The following DPP6 variants were observed in gnomAD, a reference collection of about 807,000 sequenced individuals.
DPP6 encodes A-type potassium channel modulatory protein DPP6.
In DPP6, 69 loss-of-function variants were observed where a neutral mutation model predicts 122.6. That is an observed-to-expected ratio of 0.56 (90% CI 0.46 to 0.69). The LOEUF (loss-of-function observed/expected upper bound fraction) is 0.69, where lower values mean the gene tolerates loss of function less well. Among genes scored for constraint, DPP6 ranks in the 30% least tolerant of loss-of-function variants. The probability of loss-of-function intolerance (pLI) is 0.00; values close to 1 mark genes in which losing one functional copy is unlikely to be tolerated. For missense variants in DPP6, 928 were observed against 1,116.9 expected (o/e 0.83, Z 2.41); for synonymous variants, 418 against 433.1 (o/e 0.97, Z 0.43).
intron 5 of DPP6, among the ~76,000 whole-genome samples, chr7:154,616,411 A>G (rs1167556653): frequency 6.6e-6 from 1 of 152,150 alleles, no homozygotes; most frequent in Non-Finnish European, 1.5e-5. Flanking sequence ...TTTGAGCTTA[A>G]GGAAGTTCTA....
chr7:154,727,095 C>G (rs551019047), intron 7 of DPP6, among the ~76,000 whole-genome samples: 89 of 152,340 alleles, frequency 5.8e-4, no homozygotes, highest in African/African-American at 2.1e-3. Context: ...ATGGCCCCTT[C>G]TCAGTACCAG....
intron 7 of DPP6, among the ~76,000 whole-genome samples, chr7:154,719,612 C>G (rs900900527): frequency 1.3e-5 from 2 of 152,272 alleles, no homozygotes; most frequent in Middle Eastern, 6.8e-3. Context: ...TCTGCAGAGG[C>G]TACTGAATAT....
At chr7:154,076,750 T>C (rs1032023590) in intron 1 of DPP6, among the ~76,000 whole-genome samples, 3 of 152,180 alleles carry the variant, frequency 2.0e-5, no homozygotes, top group Non-Finnish European at 4.4e-5. Context: ...ACATGGATGA[T>C]GAGGGCATGA....
chr7:154,811,385 G>A (rs1160199777), intron 16 of DPP6, among the ~76,000 whole-genome samples: 2 of 152,182 alleles, frequency 1.3e-5, no homozygotes, highest in African/African-American at 4.8e-5. Flanking sequence ...TTGCCTAAGG[G>A]ATGAGAAGAT....
chr7:154,230,939 T>G (rs1383836520), intron 1 of DPP6, among the ~76,000 whole-genome samples: 1 of 152,244 alleles, frequency 6.6e-6, no homozygotes, highest in Admixed American at 6.5e-5. Context: ...CATTTTTGCA[T>G]CACTGTAAAG....
At chr7:154,198,133 T>C (rs4074569) in intron 1 of DPP6, among the ~76,000 whole-genome samples, 100,781 of 151,910 alleles carry the variant, frequency 0.66, 37,457 homozygotes, top group Non-Finnish European at 0.82. Flanking sequence ...CTGTGTCATA[T>C]GGATCCTGCT....
the DPP6 span, among the ~76,000 whole-genome samples, chr7:153,877,703 A>G: frequency 6.6e-6 from 1 of 152,238 alleles, no homozygotes; most frequent in African/African-American, 2.4e-5. Context: ...AGTGCATGAC[A>G]CAACTCAAAA....
rs560845708 is a variant in DPP6 at position 154,134,404 on chromosome 7, C to G, written c.243+81341C>G. Reference sequence around the variant, plus strand: ...AGGTGTGGAGTTGGGAGAGCAGCAGCCTGTGGTACAGGGCTGCCCACAGGG... The same window carrying G: ...AGGTGTGGAGTTGGGAGAGCAGCAGGCTGTGGTACAGGGCTGCCCACAGGG... On this transcript the variant is annotated intron_variant, in intron 1 of 25. Transcript: ENST00000377770. Among the ~76,000 whole-genome samples, 9 of 152,242 alleles carry G rather than the reference C, an allele frequency of 5.9e-5. No individual in the cohort carries two copies. The South Asian group carries it at 1.9e-3, about 32-fold the overall frequency.
chr7:154,652,912 C>T (rs542646151), intron 6 of DPP6, among the ~76,000 whole-genome samples: 3 of 152,094 alleles, frequency 2.0e-5, no homozygotes, highest in Admixed American at 6.6e-5. Context: ...GAGGAAAGAA[C>T]GCTCTGAGTG....
intron 3 of DPP6, 46 bp from the exon 4 acceptor site, chr7:154,540,486 G>C (rs1382220640): frequency 8.3e-7 from 1 of 1,202,528 alleles, no homozygotes; most frequent in South Asian, 1.3e-5. Flanking sequence ...GTTGAGGAGA[G>C]TTCCTTGATG....
At chr7:153,930,155 A>T (rs1322873920) in intron 1 of DPP6, among the ~76,000 whole-genome samples, 1 of 152,226 alleles carries the variant, frequency 6.6e-6, no homozygotes, top group Non-Finnish European at 1.5e-5. Flanking sequence ...CTACAGTGTG[A>T]AGCAACCACT....
At chr7:154,341,748 T>C (rs915395859) in intron 1 of DPP6, among the ~76,000 whole-genome samples, 1 of 152,080 alleles carries the variant, frequency 6.6e-6, no homozygotes, top group African/African-American at 2.4e-5. Flanking sequence ...CATTTAAGAC[T>C]GCACCCATTT....
intron 1 of DPP6, among the ~76,000 whole-genome samples, chr7:154,126,853 C>T (rs3115114): frequency 2.6e-5 from 4 of 152,084 alleles, no homozygotes; most frequent in Non-Finnish European, 4.4e-5. Context: ...ATTTTGCTGC[C>T]GTTAAAGACT....
intron 1 of DPP6, among the ~76,000 whole-genome samples, chr7:154,413,695 A>C (rs1816800359): frequency 6.6e-6 from 1 of 152,220 alleles, no homozygotes; most frequent in Non-Finnish European, 1.5e-5. Context: ...AAGTGTAAAT[A>C]AGATGTGTGA....
intron 5 of DPP6, among the ~76,000 whole-genome samples, chr7:154,597,903 G>C (rs977601799): frequency 6.6e-6 from 1 of 152,090 alleles, no homozygotes; most frequent in Admixed American, 6.5e-5. Flanking sequence ...GTGCATGTCT[G>C]TCTCTGTGTC....
At chr7:154,050,517 T>G (rs901196080), upstream of DPP6, among the ~76,000 whole-genome samples, 2 of 151,890 alleles carry the variant, frequency 1.3e-5, no homozygotes, top group Admixed American at 6.6e-5. Context: ...CTGCGGTGAA[T>G]AGCATGAGCT....
At chr7:154,491,852 A>G (rs886548043) in intron 3 of DPP6, among the ~76,000 whole-genome samples, 7 of 152,178 alleles carry the variant, frequency 4.6e-5, no homozygotes, top group African/African-American at 1.7e-4. Flanking sequence ...ACCTTTAGAA[A>G]TCATCCACTA....
rs1040128391 is a variant in DPP6 at position 154,619,902 on chromosome 7, T to A, written c.628-17919T>A. ...AGTGGAGCCAGGTTTGCAAACCAGGTACCTAGGATAGAGGTTTTCAACTCT... is the reference window on the plus strand; with the variant it reads ...AGTGGAGCCAGGTTTGCAAACCAGGAACCTAGGATAGAGGTTTTCAACTCT... On this transcript the variant is annotated intron_variant, in intron 5 of 25. Coordinates refer to ENST00000377770, the MANE Select transcript of DPP6 (RefSeq NM_130797.4). Among the ~76,000 whole-genome samples, 7 of 152,304 alleles carry A rather than the reference T, an allele frequency of 4.6e-5. No individual in the cohort carries two copies. In the South Asian group the frequency reaches 1.4e-3, roughly 32 times the overall value.
rs751469965 is a variant in DPP6 at position 154,885,600 on chromosome 7, C to G, written c.2134-33C>G. ...GCTTCATGCTGAGTTACTGCCAGGA[C>G]TCCTAACTGTCTTCTCTCTGCGCTT... On this transcript the variant is annotated intron_variant, in intron 21 of 25. Transcript: ENST00000377770. 4.3e-5 allele frequency: 67 copies of G among 1,551,990 alleles called. 1 individual carries two copies. The Admixed American group carries it at 1.3e-3, about 30-fold the overall frequency.
Sources: gnomAD v4.1 joint callset for allele counts (sites outside exome capture counted in the v4.1 genomes callset) on GRCh38, gnomAD v4.1.1 for gene constraint, MANE v1.5 for transcripts, NCBI Gene and HGNC (gene_info 2026-07-23, HGNC 2026-07-21) for gene names.